Variants in CSMD3 observed in about 807,000 individuals in gnomAD.
CSMD3 encodes the protein CUB and Sushi multiple domains 3.
CSMD3 carries 177 observed loss-of-function variants against 435.2 expected under a neutral mutation model. That is an observed-to-expected ratio of 0.41 (90% confidence interval 0.36 to 0.46). The LOEUF (loss-of-function observed/expected upper bound fraction) is 0.46, where lower values mean the gene tolerates loss of function less well. Among genes scored for constraint, CSMD3 ranks in the 20% least tolerant of loss-of-function variants. The pLI, the probability that CSMD3 is intolerant of heterozygous loss-of-function variation, is 0.34. For synonymous variants in CSMD3, 1,656 were observed against 1,520.5 expected (o/e 1.09, Z -2.07); for missense variants, 4,265 against 4,504.6 (o/e 0.95, Z 1.52).
intron 3 of CSMD3, among the ~76,000 whole-genome samples, chr8:113,194,263 A>C (rs2092625035): frequency 6.6e-6 from 1 of 151,336 alleles, no homozygotes; most frequent in Admixed American, 6.6e-5. Flanking sequence ...ATGCATTGCT[A>C]TAATATGTAA....
At chr8:112,966,951 GAC>G (rs2084440860) in intron 7 of CSMD3, among the ~76,000 whole-genome samples, 1 of 151,918 alleles carries the variant, frequency 6.6e-6, no homozygotes, top group Non-Finnish European at 1.5e-5. Context: ...ATGAGGAATA[GAC>G]AGTGTTGGGA....
At position 112,768,088 on chromosome 8, in the gene CSMD3, T is replaced by A. The variant is rs557763436; in HGVS notation, c.1972+32074A>T. 8.6e-5 allele frequency among the ~76,000 whole-genome samples: 13 copies of A among 151,888 alleles called. No individual in the cohort carries two copies. In the South Asian group the frequency reaches 1.9e-3, roughly 22 times the overall value. ...CTAGTGTTTTGCAATGAATTTGACA[T>A]ATAGTTTATGTTCTTCTTTCTTTTA... On this transcript the variant is annotated intron_variant, in intron 13 of 70. Transcript: ENST00000297405.
chr8:112,650,397 G>A (rs747288112), intron 18 of CSMD3, 48 bp from the exon 19 acceptor site: 1 of 1,456,694 alleles, frequency 6.9e-7, no homozygotes, highest in Non-Finnish European at 9.6e-7. Flanking sequence ...GTGGGATTTG[G>A]AGTTGCTGAA....
chr8:113,070,263 A>G (rs2089050667), intron 5 of CSMD3, among the ~76,000 whole-genome samples: 3 of 152,016 alleles, frequency 2.0e-5, no homozygotes, highest in African/African-American at 4.8e-5. Context: ...ACTCTTTCAT[A>G]TGGTCATTGT....
At chr8:112,625,946 T>A (rs958893866) in intron 22 of CSMD3, among the ~76,000 whole-genome samples, 6 of 152,154 alleles carry the variant, frequency 3.9e-5, no homozygotes, top group African/African-American at 1.4e-4. Flanking sequence ...CTGACCCATA[T>A]GTTCCTTCTT....
chr8:112,237,766 A>G (rs891886825), intron 66 of CSMD3, among the ~76,000 whole-genome samples: 1 of 152,140 alleles, frequency 6.6e-6, no homozygotes, highest in Non-Finnish European at 1.5e-5. Flanking sequence ...TAGATTTTTA[A>G]GAGGAATAGC....
intron 10 of CSMD3, among the ~76,000 whole-genome samples, chr8:112,871,697 G>T (rs923080065): frequency 1.3e-5 from 2 of 152,014 alleles, no homozygotes; most frequent in Non-Finnish European, 2.9e-5. Flanking sequence ...TGAGTGTCAA[G>T]ATTTTAGTCT....
chr8:113,142,284 T>A (rs1041918503), intron 4 of CSMD3, among the ~76,000 whole-genome samples: 17 of 151,294 alleles, frequency 1.1e-4, no homozygotes, highest in African/African-American at 4.1e-4. Flanking sequence ...AAAATTTATA[T>A]GAAAAGACAC....
intron 13 of CSMD3, among the ~76,000 whole-genome samples, chr8:112,740,594 G>C (rs557311868): frequency 6.6e-6 from 1 of 152,028 alleles, no homozygotes; most frequent in South Asian, 2.1e-4. Flanking sequence ...CAAAAAAGAA[G>C]AGTTTTCATA....
At chr8:113,239,112 C>T (rs970893082) in intron 3 of CSMD3, among the ~76,000 whole-genome samples, 5 of 152,118 alleles carry the variant, frequency 3.3e-5, no homozygotes, top group East Asian at 3.9e-4. Context: ...TGGGACACTA[C>T]GCTTTTCCTG....
intron 22 of CSMD3, among the ~76,000 whole-genome samples, chr8:112,596,553 C>A (rs1831740722): frequency 6.6e-6 from 1 of 152,130 alleles, no homozygotes; most frequent in Non-Finnish European, 1.5e-5. Flanking sequence ...CCCAAATCAA[C>A]AGAATACACA....
intron 17 of CSMD3, among the ~76,000 whole-genome samples, chr8:112,656,837 C>T (rs1032048438): frequency 2.0e-5 from 3 of 151,784 alleles, no homozygotes; most frequent in African/African-American, 7.3e-5. Context: ...TCTATTTCTG[C>T]CTTTAAACAT....
chr8:112,421,013 G>A (rs1329938021), intron 32 of CSMD3, among the ~76,000 whole-genome samples: 2 of 152,026 alleles, frequency 1.3e-5, no homozygotes, highest in African/African-American at 2.4e-5. Context: ...ATTTACTAAG[G>A]GCTCTTTCAT....
At chr8:112,827,812 T>C (rs553742960) in intron 12 of CSMD3, among the ~76,000 whole-genome samples, 1 of 152,068 alleles carries the variant, frequency 6.6e-6, no homozygotes, top group South Asian at 2.1e-4. Context: ...AAGTGGAAAA[T>C]GATAGAGGGA....
chr8:112,586,103 GT>G (rs1302510416), intron 23 of CSMD3, among the ~76,000 whole-genome samples: 1 of 151,484 alleles, frequency 6.6e-6, no homozygotes, highest in Non-Finnish European at 1.5e-5. Context: ...AGCATATCAT[GT>G]TATTGTGTTA....
intron 10 of CSMD3, among the ~76,000 whole-genome samples, chr8:112,880,521 A>G (rs2081416820): frequency 6.6e-6 from 1 of 152,094 alleles, no homozygotes; most frequent in African/African-American, 2.4e-5. Flanking sequence ...AGGATGCATA[A>G]TCTTAGAATA....
At chr8:113,106,145 G>A (rs3853260) in intron 4 of CSMD3, among the ~76,000 whole-genome samples, 102,217 of 151,698 alleles carry the variant, frequency 0.67, 35,994 homozygotes, top group East Asian at 0.95. Context: ...AAAAACAAAC[G>A]AACCAAAATC....
chr8:112,346,069 C>A (rs1027160508), intron 41 of CSMD3, 28 bp downstream of exon 41: 5 of 1,109,318 alleles, frequency 4.5e-6, no homozygotes, highest in Non-Finnish European at 7.0e-6. Context: ...ATATTGAAAG[C>A]TCTTTCACGT....
intron 22 of CSMD3, among the ~76,000 whole-genome samples, chr8:112,636,205 A>C (rs889008245): frequency 2.0e-5 from 3 of 152,046 alleles, no homozygotes; most frequent in African/African-American, 7.2e-5. Flanking sequence ...TGGTGACTTC[A>C]CGCTTCCAAC....
Sources: allele counts gnomAD v4.1 joint callset (sites outside exome capture counted in the v4.1 genomes callset), GRCh38; gene constraint gnomAD v4.1.1; transcripts MANE v1.5; gene names NCBI Gene and HGNC (gene_info 2026-07-23, HGNC 2026-07-21).